The following RCSD1 variants were observed in gnomAD, a reference collection of about 807,000 sequenced individuals.
RCSD1 encodes the protein RCSD domain containing 1, also known as capZ-interacting protein.
In RCSD1, 26 loss-of-function variants were observed where a neutral mutation model predicts 42.5. The observed-to-expected ratio is 0.61, with a 90% CI of 0.45 to 0.85. The LOEUF (loss-of-function observed/expected upper bound fraction) is 0.85, where lower values mean the gene tolerates loss of function less well. Among genes scored for constraint, RCSD1 ranks in the 40% least tolerant of loss-of-function variants. RCSD1 has a pLI of 0.00. For synonymous variants in RCSD1, 220 were observed against 212.2 expected (o/e 1.04, Z -0.32); for missense variants, 571 against 528.3 (o/e 1.08, Z -0.79).
chr1:167,664,047 C>T (rs1658597982), intron 1 of RCSD1: 1 of 152,258 alleles, frequency 6.6e-6, no homozygotes, highest in Admixed American at 6.5e-5. Context: ...TGAACCCAAA[C>T]TGTCTAATCA....
chr1:167,644,523 A>ACATGCATACATACATACATACATACATG (rs961492308), intron 1 of RCSD1, among the ~76,000 whole-genome samples: 11 of 151,778 alleles, frequency 7.2e-5, no homozygotes, highest in African/African-American at 2.4e-4. Context: ...ATACATACAT[A>ACATGCATACATACATACATACATACATG]CATACATACA....
Position 167,708,417 on chromosome 1 carries a change from C to T in RCSD1, c.*3721C>T, listed in dbSNP as rs1659810449. The stretch of plus-strand genomic sequence containing the variant: ...CTAGTCAAGTTTTTGCTCGATGGAC[C>T]ACGTGAAAAAAGGATAAACAATGTC... On this transcript the variant is annotated 3_prime_UTR_variant, in exon 7 of 7. Coordinates refer to ENST00000367854, the MANE Select transcript of RCSD1 (RefSeq NM_052862.4). Among the ~76,000 whole-genome samples, 1 of 152,040 alleles carries T rather than the reference C, an allele frequency of 6.6e-6. No homozygotes were observed. Among genetic ancestry groups the T allele is most frequent in the Non-Finnish European group, 1.5e-5 (1 of 68,000 alleles).
intron 3 of RCSD1, among the ~76,000 whole-genome samples, chr1:167,685,743 C>T (rs1659218934): frequency 6.6e-6 from 1 of 152,150 alleles, no homozygotes; most frequent in Admixed American, 6.5e-5. Context: ...TTGTCAAGGA[C>T]ACGAACACTA....
chr1:167,630,533 A>G, intron 1 of RCSD1, 104 bp downstream of exon 1: 2 of 1,237,982 alleles, frequency 1.6e-6, no homozygotes, highest in Non-Finnish European at 2.1e-6. Context: ...CACGCGGCTC[A>G]TCGCTGCTGC....
At chr1:167,648,201 A>G (rs73033803) in intron 1 of RCSD1, among the ~76,000 whole-genome samples, 3,203 of 152,334 alleles carry the variant, frequency 0.021, 110 homozygotes, top group African/African-American at 0.072. Flanking sequence ...ATACAAATAT[A>G]TCATAATTAT....
intron 1 of RCSD1, among the ~76,000 whole-genome samples, chr1:167,636,380 G>A (rs768978459): frequency 6.6e-6 from 1 of 152,150 alleles, no homozygotes; most frequent in South Asian, 2.1e-4. Context: ...AGAAATTCTG[G>A]ACATTGGAAC....
At chr1:167,688,113 T>C (rs1461976913) in intron 3 of RCSD1, among the ~76,000 whole-genome samples, 1 of 152,228 alleles carries the variant, frequency 6.6e-6, no homozygotes, top group African/African-American at 2.4e-5. Context: ...CCTGCTGTCA[T>C]TTCCAGGAAC....
intron 1 of RCSD1, among the ~76,000 whole-genome samples, chr1:167,639,120 G>A (rs539083894): frequency 1.4e-4 from 22 of 152,316 alleles, no homozygotes; most frequent in South Asian, 2.1e-4. Flanking sequence ...GGGAGGCTGA[G>A]GCAGGAGAAT....
intron 1 of RCSD1, among the ~76,000 whole-genome samples, chr1:167,675,721 C>T (rs533947224): frequency 6.6e-6 from 1 of 152,312 alleles, no homozygotes; most frequent in East Asian, 1.9e-4. Context: ...CACGCACATC[C>T]ATCTCTCAGG....
At chr1:167,679,786 G>C (rs1659035013) in intron 1 of RCSD1, among the ~76,000 whole-genome samples, 1 of 152,214 alleles carries the variant, frequency 6.6e-6, no homozygotes, top group African/African-American at 2.4e-5. Flanking sequence ...TGAGACCTTG[G>C]ATGAGCGCAG....
chr1:167,684,870 G>A (rs1316195038), intron 2 of RCSD1, among the ~76,000 whole-genome samples: 1 of 152,160 alleles, frequency 6.6e-6, no homozygotes, highest in East Asian at 1.9e-4. Context: ...GCGAAACTCA[G>A]TCTCAAAATA....
At chr1:167,662,961 C>T (rs1658571922) in intron 1 of RCSD1, among the ~76,000 whole-genome samples, 1 of 152,160 alleles carries the variant, frequency 6.6e-6, no homozygotes, top group Non-Finnish European at 1.5e-5. Context: ...AAATGAAGAG[C>T]AAGCCAGCAG....
intron 3 of RCSD1, among the ~76,000 whole-genome samples, chr1:167,689,527 T>G (rs549470778): frequency 5.5e-4 from 84 of 151,544 alleles, no homozygotes; most frequent in Non-Finnish European, 8.8e-4. Flanking sequence ...TATTCAAATA[T>G]TCAACATTTT....
Position 167,630,304 on chromosome 1 carries a change from C to T in RCSD1, c.-120C>T. On this transcript the variant is annotated 5_prime_UTR_variant, in exon 1 of 7. Transcript: ENST00000367854. Reference sequence around the variant, plus strand: ...AGCCGGGCGCGCGCCACCGCCCACTCGCCCTGTGCCCGCCGCAGCCCGAAA... The same window carrying T: ...AGCCGGGCGCGCGCCACCGCCCACTTGCCCTGTGCCCGCCGCAGCCCGAAA... The T allele has an allele frequency of 8.6e-7, 1 of 1,158,900 alleles. No homozygotes were observed. Among genetic ancestry groups the T allele is most frequent in the Non-Finnish European group, 1.1e-6 (1 of 908,924 alleles). 71.8% of individuals were successfully genotyped at this position (1,158,900 alleles called of 1,614,324 possible).
intron 1 of RCSD1, among the ~76,000 whole-genome samples, chr1:167,657,217 C>G (rs186922767): frequency 3.6e-4 from 55 of 152,242 alleles, no homozygotes; most frequent in South Asian, 1.0e-3. Flanking sequence ...ATACATGACT[C>G]CTTTGGAGAT....
chr1:167,698,519 T>C (rs1455730496), intron 6 of RCSD1, among the ~76,000 whole-genome samples: 1 of 152,170 alleles, frequency 6.6e-6, no homozygotes, highest in East Asian at 1.9e-4. Context: ...ACTCAGTCCC[T>C]GCCCTCCTGC....
At position 167,705,569 on chromosome 1, in the gene RCSD1, G is replaced by T. The variant is rs1311406388; in HGVS notation, c.*873G>T. 1 of 152,218 alleles carries T rather than the reference G, an allele frequency of 6.6e-6. No homozygotes were observed. The highest frequency in any genetic ancestry group is 2.4e-5 in the African/African-American group (1 of 41,460). The allele number at this position is 152,218 out of a possible 1,614,324, so 9.4% of individuals were successfully genotyped here. A position where few individuals can be genotyped will look rare whatever the true frequency, so the allele number is the denominator to read the frequency against. ...GCTCTCCGATTGATCCTGTGAGGAT[G>T]AATTTGCATTTCCAGAATCCTTGAG... On this transcript the variant is annotated 3_prime_UTR_variant, in exon 7 of 7. Coordinates refer to ENST00000367854, the MANE Select transcript of RCSD1 (RefSeq NM_052862.4).
intron 1 of RCSD1, among the ~76,000 whole-genome samples, chr1:167,650,798 C>T (rs192075451): frequency 1.3e-5 from 2 of 152,142 alleles, no homozygotes; most frequent in Non-Finnish European, 1.5e-5. Context: ...GTGCGTGGTA[C>T]GATGGGGTAA....
intron 3 of RCSD1, among the ~76,000 whole-genome samples, chr1:167,685,914 G>A (rs747244748): frequency 8.5e-5 from 13 of 152,144 alleles, no homozygotes; most frequent in Non-Finnish European, 1.9e-4. Context: ...CACTTACATA[G>A]GGCAGGACGG....
Sources: allele counts gnomAD v4.1 joint callset (sites outside exome capture counted in the v4.1 genomes callset), GRCh38; gene constraint gnomAD v4.1.1; transcripts MANE v1.5; gene names NCBI Gene and HGNC (gene_info 2026-07-23, HGNC 2026-07-21).